DCC: variants seen among roughly 807,000 people sequenced by gnomAD.
The protein encoded by DCC is netrin receptor DCC.
DCC carries 58 observed loss-of-function variants against 172.5 expected under a neutral mutation model. The observed-to-expected ratio is 0.34, with a 90% CI of 0.27 to 0.42. The LOEUF is 0.42. Ranked by LOEUF, DCC falls within the 10% of genes least tolerant of loss-of-function variation. The probability of loss-of-function intolerance (pLI) is 1.00; values close to 1 mark genes in which losing one functional copy is unlikely to be tolerated. For missense variants in DCC, 1,740 were observed against 1,791.0 expected (o/e 0.97, Z 0.51); for synonymous variants, 709 against 644.5 (o/e 1.10, Z -1.52).
intron 12 of DCC, among the ~76,000 whole-genome samples, chr18:53,251,965 C>T (rs2056441279): frequency 6.6e-6 from 1 of 151,860 alleles, no homozygotes; most frequent in Non-Finnish European, 1.5e-5. Flanking sequence ...TTCATTTCAC[C>T]CCACTGGGCT....
At chr18:52,397,913 G>A (rs1027842975) in intron 1 of DCC, among the ~76,000 whole-genome samples, 14 of 151,988 alleles carry the variant, frequency 9.2e-5, no homozygotes, top group African/African-American at 3.4e-4. Context: ...TGTAAAAAAT[G>A]TAGGAAAATA....
At chr18:53,468,049 C>T (rs774896006) in intron 25 of DCC, 39 bp downstream of exon 25, 3 of 944,078 alleles carry the variant, frequency 3.2e-6, no homozygotes, top group Non-Finnish European at 3.5e-6. Context: ...AAATGAAATG[C>T]TTTCTGTATG....
chr18:52,965,446 G>T (rs1598978705), intron 5 of DCC, among the ~76,000 whole-genome samples: 1 of 152,206 alleles, frequency 6.6e-6, no homozygotes, highest in South Asian at 2.1e-4. Context: ...TCTAAGCAAT[G>T]AGAAGGTCAT....
intron 5 of DCC, among the ~76,000 whole-genome samples, chr18:52,959,259 T>C (rs1266607323): frequency 6.6e-6 from 1 of 152,100 alleles, no homozygotes; most frequent in East Asian, 1.9e-4. Flanking sequence ...TGATAAAACA[T>C]GAGGAAGTAA....
intron 5 of DCC, among the ~76,000 whole-genome samples, chr18:52,998,461 A>G (rs1384671873): frequency 2.6e-5 from 4 of 152,098 alleles, no homozygotes; most frequent in African/African-American, 9.7e-5. Flanking sequence ...ATTTCTCTTA[A>G]TAGACTTACT....
intron 4 of DCC, 125 bp downstream of exon 4, chr18:52,923,982 T>C (rs1172564014): frequency 2.6e-6 from 2 of 761,732 alleles, no homozygotes; most frequent in African/African-American, 3.5e-5. Flanking sequence ...TGAATATTTT[T>C]CCACATTTCT....
chr18:52,494,076 C>T (rs567436134), intron 1 of DCC, among the ~76,000 whole-genome samples: 11 of 151,902 alleles, frequency 7.2e-5, no homozygotes, highest in African/African-American at 2.7e-4. Flanking sequence ...TTTGCCTTCA[C>T]TTTTGATGGC....
intron 1 of DCC, among the ~76,000 whole-genome samples, chr18:52,588,225 G>T (rs74613138): frequency 0.02 from 3,073 of 152,246 alleles, 110 homozygotes; most frequent in African/African-American, 0.07. Flanking sequence ...CACCTATAGG[G>T]TCCTGCCAAA....
At chr18:53,152,822 C>T (rs1313960842) in intron 7 of DCC, among the ~76,000 whole-genome samples, 1 of 152,092 alleles carries the variant, frequency 6.6e-6, no homozygotes, top group Non-Finnish European at 1.5e-5. Context: ...ATTAATTCCC[C>T]TGTATAAGAT....
intron 1 of DCC, among the ~76,000 whole-genome samples, chr18:52,567,911 T>C (rs1039810260): frequency 2.0e-5 from 3 of 152,152 alleles, no homozygotes; most frequent in Non-Finnish European, 2.9e-5. Flanking sequence ...TTTATACTTG[T>C]GATAAAATGT....
In DCC at chr18:53,427,990, T is replaced by A. The variant is rs1198268011; in HGVS notation, c.3164-7154T>A. Among the ~76,000 whole-genome samples the A allele has an allele frequency of 4.7e-5, 4 of 84,914 alleles. 2 individuals carry two copies. The highest frequency in any genetic ancestry group is 8.7e-5 in the Non-Finnish European group (4 of 45,730). 55.7% of individuals were successfully genotyped at this position (84,914 alleles called of 152,430 possible). A position where few individuals can be genotyped will look rare whatever the true frequency, so the allele number is the denominator to read the frequency against. ...ATAATATATAATATAATATAATATA[T>A]TATAATAATATATAATATAATACTA... On this transcript the variant is annotated intron_variant, in intron 21 of 28. Coordinates refer to ENST00000442544, the MANE Select transcript of DCC (RefSeq NM_005215.4).
intron 1 of DCC, among the ~76,000 whole-genome samples, chr18:52,655,577 T>C (rs1030959991): frequency 6.6e-6 from 1 of 152,046 alleles, no homozygotes; most frequent in Non-Finnish European, 1.5e-5. Context: ...ACCTTCAAGA[T>C]AGAAAAATGC....
intron 1 of DCC, among the ~76,000 whole-genome samples, chr18:52,351,411 A>G (rs1984115223): frequency 6.8e-6 from 1 of 146,566 alleles, no homozygotes; most frequent in East Asian, 2.1e-4. Context: ...TCTGCAAACT[A>G]CATAGGCCAC....
At chr18:53,456,012 C>T (rs939577323) in intron 23 of DCC, among the ~76,000 whole-genome samples, 35 of 152,314 alleles carry the variant, frequency 2.3e-4, no homozygotes, top group Admixed American at 2.2e-3. Flanking sequence ...AGAGTTTGCT[C>T]CACTTTCACT....
At chr18:53,039,600 G>A (rs1037026803) in intron 5 of DCC, among the ~76,000 whole-genome samples, 1 of 151,924 alleles carries the variant, frequency 6.6e-6, no homozygotes, top group African/African-American at 2.4e-5. Context: ...TTGGAAAGAG[G>A]CTTCTTGACT....
intron 1 of DCC, among the ~76,000 whole-genome samples, chr18:52,417,599 C>T (rs1338342838): frequency 6.6e-6 from 1 of 152,080 alleles, no homozygotes; most frequent in African/African-American, 2.4e-5. Flanking sequence ...CTAAACTTCC[C>T]TTCTCGCTTT....
intron 1 of DCC, among the ~76,000 whole-genome samples, chr18:52,599,660 G>A (rs1020952080): frequency 2.6e-5 from 4 of 151,948 alleles, no homozygotes; most frequent in Admixed American, 6.6e-5. Flanking sequence ...GATTACAGGC[G>A]CTGCTACCAC....
intron 1 of DCC, among the ~76,000 whole-genome samples, chr18:52,375,127 ACT>A (rs1985292308): frequency 6.6e-6 from 1 of 152,100 alleles, no homozygotes; most frequent in Admixed American, 6.5e-5. Context: ...ATGTGTTAGG[ACT>A]CTTATTAAAA....
At chr18:53,407,280 G>A (rs1034443349) in intron 19 of DCC, among the ~76,000 whole-genome samples, 13 of 151,618 alleles carry the variant, frequency 8.6e-5, no homozygotes, top group African/African-American at 2.9e-4. Context: ...TAAAACTTAT[G>A]TACTTACAGG....
Sources: gnomAD v4.1 joint callset for allele counts (sites outside exome capture counted in the v4.1 genomes callset) on GRCh38, gnomAD v4.1.1 for gene constraint, MANE v1.5 for transcripts, NCBI Gene and HGNC (gene_info 2026-07-23, HGNC 2026-07-21) for gene names.